The following SNTG1 variants were observed in gnomAD, a reference collection of about 807,000 sequenced individuals.
SNTG1 encodes gamma-1-syntrophin.
SNTG1 carries 39 observed loss-of-function variants against 74.7 expected under a neutral mutation model. The ratio of observed to expected loss-of-function variants is 0.52; its 90% confidence interval spans 0.40 to 0.68. The LOEUF is 0.68. SNTG1 is among the 30% of genes least tolerant of loss of function. The probability of loss-of-function intolerance (pLI) is 0.00; values close to 1 mark genes in which losing one functional copy is unlikely to be tolerated. For missense variants in SNTG1, 685 were observed against 609.5 expected (o/e 1.12, Z -1.30); for synonymous variants, 254 against 217.1 (o/e 1.17, Z -1.49).
At chr8:50,402,930 A>G (rs1051175359) in intron 4 of SNTG1, among the ~76,000 whole-genome samples, 30 of 152,340 alleles carry the variant, frequency 2.0e-4, no homozygotes, top group African/African-American at 7.0e-4. Flanking sequence ...AGAAAGAGCC[A>G]TAAATTACAG....
chr8:50,192,025 G>A (rs111333483), intron 2 of SNTG1, among the ~76,000 whole-genome samples: 7 of 152,002 alleles, frequency 4.6e-5, no homozygotes, highest in South Asian at 2.1e-4. Flanking sequence ...TTACCTTTCC[G>A]TGTTTACTGG....
intron 3 of SNTG1, 21 bp from the exon 4 acceptor site, chr8:50,402,189 G>GT (rs762056974): frequency 0.037 from 38,460 of 1,031,006 alleles, 471 homozygotes; most frequent in African/African-American, 0.16. Flanking sequence ...TCCTCTGTTT[G>GT]TTTTTTTTTT....
chr8:50,375,611 T>C (rs1001944048), intron 2 of SNTG1, among the ~76,000 whole-genome samples: 3 of 152,182 alleles, frequency 2.0e-5, no homozygotes, highest in African/African-American at 4.8e-5. Context: ...TGTGCTTGTT[T>C]GGGGATATTA....
intron 1 of SNTG1, among the ~76,000 whole-genome samples, chr8:49,986,469 T>C (rs1813161965): frequency 6.6e-6 from 1 of 152,196 alleles, no homozygotes; most frequent in Non-Finnish European, 1.5e-5. Context: ...TTAATGACTT[T>C]TCCAATTTCT....
chr8:50,367,466 T>A (rs2092146804), intron 2 of SNTG1, among the ~76,000 whole-genome samples: 1 of 152,100 alleles, frequency 6.6e-6, no homozygotes, highest in Non-Finnish European at 1.5e-5. Flanking sequence ...GCATATAAAA[T>A]TTATTATTTT....
chr8:50,718,819 A>C (rs2095480871), intron 17 of SNTG1, among the ~76,000 whole-genome samples: 1 of 152,212 alleles, frequency 6.6e-6, no homozygotes, highest in Non-Finnish European at 1.5e-5. Flanking sequence ...AAATAAAACT[A>C]TACAGATATT....
rs543997823 is a variant in SNTG1, at chr8:50,636,195, C to T, written c.850-20714C>T. Among the ~76,000 whole-genome samples the T allele has an allele frequency of 3.0e-3, 459 of 150,980 alleles. 3 individuals carry two copies. The highest frequency in any genetic ancestry group is 0.011 in the African/African-American group (442 of 41,132). Reference sequence around the variant, plus strand: ...TCTTTACTCTCCCCTCTCCTCTCCTCAAGCAGAAGAAAGGACTCTTTTTCA... The same window carrying T: ...TCTTTACTCTCCCCTCTCCTCTCCTTAAGCAGAAGAAAGGACTCTTTTTCA... On this transcript the variant is annotated intron_variant, in intron 13 of 18. Coordinates refer to ENST00000642720, the MANE Select transcript of SNTG1 (RefSeq NM_018967.5).
intron 17 of SNTG1, among the ~76,000 whole-genome samples, chr8:50,718,778 T>C (rs2095480773): frequency 6.6e-6 from 1 of 152,220 alleles, no homozygotes; most frequent in Non-Finnish European, 1.5e-5. Context: ...AGAAGTCATA[T>C]TAGTAAATGT....
intron 1 of SNTG1, among the ~76,000 whole-genome samples, chr8:49,946,033 G>C (rs1251731227): frequency 6.6e-6 from 1 of 152,084 alleles, no homozygotes; most frequent in Non-Finnish European, 1.5e-5. Flanking sequence ...AGCAAACTTG[G>C]ATCTAAGTGA....
intron 9 of SNTG1, among the ~76,000 whole-genome samples, chr8:50,524,029 T>C (rs897325871): frequency 2.6e-5 from 4 of 152,192 alleles, no homozygotes; most frequent in South Asian, 4.1e-4. Context: ...CTGTATGTCT[T>C]ATAGTTACAG....
intron 18 of SNTG1, among the ~76,000 whole-genome samples, chr8:50,761,576 T>C (rs1340060798): frequency 1.3e-5 from 2 of 151,218 alleles, no homozygotes; most frequent in Non-Finnish European, 2.9e-5. Context: ...GGGCAGGCCT[T>C]GCTAAGAAGA....
At chr8:50,570,806 A>T (rs2094545172) in intron 12 of SNTG1, among the ~76,000 whole-genome samples, 1 of 151,582 alleles carries the variant, frequency 6.6e-6, no homozygotes, top group South Asian at 2.1e-4. Flanking sequence ...GGGTTTCACC[A>T]CGTTGGTCAG....
At chr8:50,212,649 G>T (rs1382836537) in intron 2 of SNTG1, among the ~76,000 whole-genome samples, 1 of 152,158 alleles carries the variant, frequency 6.6e-6, no homozygotes, top group Non-Finnish European at 1.5e-5. Context: ...GGCCACAGTG[G>T]TATGAGACAG....
chr8:50,351,959 T>C (rs186441122), intron 2 of SNTG1, among the ~76,000 whole-genome samples: 33 of 152,282 alleles, frequency 2.2e-4, no homozygotes, highest in African/African-American at 7.9e-4. Flanking sequence ...CTGTGGTCCT[T>C]GAGGGAGGAG....
chr8:50,001,143 G>A (rs1378730154), intron 1 of SNTG1, among the ~76,000 whole-genome samples: 1 of 152,176 alleles, frequency 6.6e-6, no homozygotes, highest in Non-Finnish European at 1.5e-5. Flanking sequence ...AAGTGAGTGG[G>A]GAGTGGGTGT....
At chr8:50,190,048 T>A (rs2083511316) in intron 2 of SNTG1, among the ~76,000 whole-genome samples, 1 of 152,162 alleles carries the variant, frequency 6.6e-6, no homozygotes. Flanking sequence ...AGTCATTTGG[T>A]AGCTTTCATT....
intron 1 of SNTG1, among the ~76,000 whole-genome samples, chr8:49,979,693 C>A (rs542055073): frequency 6.6e-6 from 1 of 152,158 alleles, no homozygotes; most frequent in Admixed American, 6.5e-5. Context: ...AGGCTCTCTG[C>A]GGGCAGGACC....
chr8:50,735,197 CAA>C (rs1440885138), intron 17 of SNTG1, among the ~76,000 whole-genome samples: 2 of 151,472 alleles, frequency 1.3e-5, no homozygotes, highest in African/African-American at 2.4e-5. Context: ...ATGCTGTACA[CAA>C]GAGGCTAACA....
chr8:50,312,344 C>T (rs1476750307), intron 2 of SNTG1, among the ~76,000 whole-genome samples: 2 of 152,044 alleles, frequency 1.3e-5, no homozygotes, highest in African/African-American at 4.8e-5. Context: ...CAAAATAACA[C>T]AGATAGATGG....
Sources: gnomAD v4.1 joint callset for allele counts (sites outside exome capture counted in the v4.1 genomes callset) on GRCh38, gnomAD v4.1.1 for gene constraint, MANE v1.5 for transcripts, NCBI Gene and HGNC (gene_info 2026-07-23, HGNC 2026-07-21) for gene names.